PIK3AP1: variants seen among roughly 807,000 people sequenced by gnomAD.
PIK3AP1 encodes the protein phosphoinositide 3-kinase adapter protein 1.
PIK3AP1 carries 21 observed loss-of-function variants against 88.1 expected under a neutral mutation model. That is an observed-to-expected ratio of 0.24 (90% CI 0.17 to 0.34). PIK3AP1 has a LOEUF of 0.34. Among genes scored for constraint, PIK3AP1 ranks in the 10% least tolerant of loss-of-function variants. The pLI is 1.00. For synonymous variants in PIK3AP1, 398 were observed against 400.0 expected (o/e 1.00, Z 0.06); for missense variants, 828 against 1,035.7 (o/e 0.80, Z 2.75).
At chr10:96,623,055 A>G (rs1319613467) in intron 11 of PIK3AP1, among the ~76,000 whole-genome samples, 4 of 152,106 alleles carry the variant, frequency 2.6e-5, no homozygotes, top group African/African-American at 9.7e-5. Context: ...CTTTATGGAC[A>G]CTTTCCACTA....
In PIK3AP1 at chr10:96,595,548, C is replaced by T. The variant is rs1204841211; in HGVS notation, c.*29G>A. On this transcript the variant is annotated 3_prime_UTR_variant, in exon 17 of 17. Transcript: ENST00000339364. ...GCTGAAGACTGTGAGTCTTAAAGTC[C>T]TGAAGTAGGCAGGTTTTAGGAGGTG... 6.2e-7 allele frequency: 1 copy of T among 1,606,152 alleles called. No homozygotes were observed. Among genetic ancestry groups the T allele is most frequent in the East Asian group, 2.2e-5 (1 of 44,852 alleles).
intron 2 of PIK3AP1, among the ~76,000 whole-genome samples, chr10:96,682,073 CAAA>C (rs1844010400): frequency 6.6e-6 from 1 of 151,876 alleles, no homozygotes; most frequent in African/African-American, 2.4e-5. Context: ...CAACTGCACA[CAAA>C]TACTAGAGAA....
intron 15 of PIK3AP1, among the ~76,000 whole-genome samples, chr10:96,603,169 T>G (rs1055038785): frequency 1.3e-5 from 2 of 152,282 alleles, no homozygotes; most frequent in African/African-American, 4.8e-5. Flanking sequence ...TTCTATTTAT[T>G]GAGGTGAAGT....
chr10:96,661,212 C>T (rs542239288), intron 2 of PIK3AP1, among the ~76,000 whole-genome samples: 2 of 151,106 alleles, frequency 1.3e-5, no homozygotes, highest in South Asian at 4.2e-4. Context: ...AATCTGAAAA[C>T]ACACTGTAGG....
At chr10:96,665,389 C>T (rs1374985907) in intron 2 of PIK3AP1, among the ~76,000 whole-genome samples, 1 of 152,220 alleles carries the variant, frequency 6.6e-6, no homozygotes, top group Non-Finnish European at 1.5e-5. Context: ...TTGGCCCTTG[C>T]TCGGTGACAA....
intron 2 of PIK3AP1, among the ~76,000 whole-genome samples, chr10:96,687,499 C>A (rs1457604594): frequency 6.6e-6 from 1 of 152,162 alleles, no homozygotes; most frequent in Non-Finnish European, 1.5e-5. Context: ...ATCAGCACTC[C>A]TGAGAGTGAA....
chr10:96,651,117 A>T, intron 6 of PIK3AP1, 131 bp downstream of exon 6: 1 of 1,212,516 alleles, frequency 8.2e-7, no homozygotes. Flanking sequence ...AGTCCTTATC[A>T]CAGGATAGGT....
intron 8 of PIK3AP1, among the ~76,000 whole-genome samples, chr10:96,636,270 A>G (rs1267117166): frequency 1.3e-5 from 2 of 152,108 alleles, no homozygotes; most frequent in Non-Finnish European, 2.9e-5. Context: ...AAATTATAAA[A>G]GAAAAAAATA....
At position 96,616,626 on chromosome 10, in the gene PIK3AP1, G is replaced by A. The variant is rs1849219312; in HGVS notation, c.2014+13C>T. 8 of 1,613,308 alleles carry A rather than the reference G, an allele frequency of 5.0e-6. No individual in the cohort carries two copies. The highest frequency in any genetic ancestry group is 6.8e-6 in the Non-Finnish European group (8 of 1,179,298). ...ATGTCCCACACAATGCAGCACCCTAGGAAGCCACATACCTGTCTGCTTTCC... is the reference window on the plus strand; with the variant it reads ...ATGTCCCACACAATGCAGCACCCTAAGAAGCCACATACCTGTCTGCTTTCC... On this transcript the variant is annotated intron_variant, in intron 13 of 16. Coordinates refer to ENST00000339364, the MANE Select transcript of PIK3AP1 (RefSeq NM_152309.3).
At chr10:96,708,960 G>A (rs376291299) in intron 2 of PIK3AP1, among the ~76,000 whole-genome samples, 100 of 151,716 alleles carry the variant, frequency 6.6e-4, no homozygotes, top group African/African-American at 2.3e-3. Flanking sequence ...ATAAAACCCT[G>A]TTTCTACTAT....
chr10:96,662,327 G>A (rs1226313472), intron 2 of PIK3AP1, among the ~76,000 whole-genome samples: 6 of 152,184 alleles, frequency 3.9e-5, no homozygotes, highest in African/African-American at 9.7e-5. Flanking sequence ...AAGGCCGGGC[G>A]CAGTGGCTCA....
At chr10:96,649,976 C>T (rs1025043328) in intron 6 of PIK3AP1, among the ~76,000 whole-genome samples, 2 of 152,174 alleles carry the variant, frequency 1.3e-5, no homozygotes, top group Non-Finnish European at 2.9e-5. Context: ...AGCCCAACAA[C>T]TTTATAGACA....
intron 12 of PIK3AP1, chr10:96,618,902 C>T (rs1184450824): frequency 6.6e-6 from 1 of 152,210 alleles, no homozygotes; most frequent in African/African-American, 2.4e-5. Context: ...TGAAAAGCAC[C>T]CGTGATTCCT....
chr10:96,710,133 C>A (rs1031843472), intron 1 of PIK3AP1, 150 bp from the exon 2 acceptor site: 2 of 674,442 alleles, frequency 3.0e-6, no homozygotes, highest in Non-Finnish European at 4.8e-6. Flanking sequence ...ACCTCACTCA[C>A]GCATTTCTTT....
At chr10:96,645,885 T>C (rs928053491) in intron 7 of PIK3AP1, among the ~76,000 whole-genome samples, 3 of 152,224 alleles carry the variant, frequency 2.0e-5, no homozygotes, top group African/African-American at 7.2e-5. Context: ...TCTTCGTATC[T>C]TCCTACAACA....
At chr10:96,631,967 T>C (rs546946364) in intron 8 of PIK3AP1, among the ~76,000 whole-genome samples, 2 of 152,086 alleles carry the variant, frequency 1.3e-5, no homozygotes, top group African/African-American at 2.4e-5. Context: ...AAGAACATCA[T>C]GACTCCTTCC....
chr10:96,628,559 A>G, intron 8 of PIK3AP1, 66 bp from the exon 9 acceptor site: 1 of 1,297,708 alleles, frequency 7.7e-7, no homozygotes, highest in Non-Finnish European at 1.1e-6. Flanking sequence ...ATTTTTACAG[A>G]TGGAACTATG....
intron 2 of PIK3AP1, among the ~76,000 whole-genome samples, chr10:96,666,991 A>G (rs1368001664): frequency 6.6e-6 from 1 of 152,172 alleles, no homozygotes; most frequent in Middle Eastern, 3.2e-3. Context: ...CACAACCTGG[A>G]GCTTTTGCTG....
chr10:96,708,637 A>G (rs1261307571), intron 2 of PIK3AP1, among the ~76,000 whole-genome samples: 2 of 149,004 alleles, frequency 1.3e-5, no homozygotes, highest in African/African-American at 4.9e-5. Flanking sequence ...AAAAGCTGTG[A>G]TATGTGTCCA....
Sources: gnomAD v4.1 joint callset for allele counts (sites outside exome capture counted in the v4.1 genomes callset) on GRCh38, gnomAD v4.1.1 for gene constraint, MANE v1.5 for transcripts, NCBI Gene and HGNC (gene_info 2026-07-23, HGNC 2026-07-21) for gene names.